Variants in PDE4DIP observed in about 807,000 individuals in gnomAD.
PDE4DIP encodes myomegalin.
In PDE4DIP, 59 loss-of-function variants were observed where a neutral mutation model predicts 221.4. The observed-to-expected ratio is 0.27, with a 90% confidence interval of 0.22 to 0.33. The LOEUF (loss-of-function observed/expected upper bound fraction) is 0.33. Among genes scored for constraint, PDE4DIP ranks in the 10% least tolerant of loss-of-function variants. The pLI is 1.00. For synonymous variants in PDE4DIP, 404 were observed against 815.9 expected, an observed-to-expected ratio of 0.50 and a Z score of 8.60; for missense variants, 1,036 against 2,154.2, an observed-to-expected ratio of 0.48 and a Z score of 10.28.
intron 1 of PDE4DIP, 87 bp from the exon 5 acceptor site, chr1:148,929,110 G>C (rs1385593259): frequency 1.5e-6 from 2 of 1,316,694 alleles, no homozygotes; most frequent in African/African-American, 3.0e-5. Context: ...AGAGGCTGTG[G>C]ACCAAGGCAA....
rs1288219699 is a variant in PDE4DIP, at chr1:148,830,426, C to A, written c.233+21689C>A. Among the ~76,000 whole-genome samples, 2 of 67,096 alleles carry A rather than the reference C, an allele frequency of 3.0e-5. 1 individual carries two copies. Among genetic ancestry groups the A allele is most frequent in the East Asian group, 2.8e-3 (2 of 704 alleles). 44.0% of individuals were successfully genotyped at this position (67,096 alleles called of 152,430 possible). A position where few individuals can be genotyped will look rare whatever the true frequency, so the allele number is the denominator to read the frequency against. Reference sequence around the variant, plus strand: ...CTACTGAAGGGCAGATCTTTTCATTCTTTTTTTTTTTTTTTTATACTTTAA... The same window carrying A: ...CTACTGAAGGGCAGATCTTTTCATTATTTTTTTTTTTTTTTTATACTTTAA... On this transcript the variant is annotated intron_variant, in intron 1 of 45. Coordinates refer to the PDE4DIP transcript ENST00000524974.
At chr1:148,931,651 A>T in intron 2 of PDE4DIP, 149 bp from the exon 6 acceptor site, 1 of 887,738 alleles carries the variant, frequency 1.1e-6, no homozygotes, top group South Asian at 1.4e-5. Flanking sequence ...CTGCATAGAA[A>T]TGGGAATGCT....
intron 4 of PDE4DIP, among the ~76,000 whole-genome samples, chr1:148,937,408 C>G (rs1308338853): frequency 1.3e-5 from 2 of 152,026 alleles, no homozygotes; most frequent in Non-Finnish European, 2.9e-5. Context: ...AATAGTTATC[C>G]AAGAACCGTT....
At chr1:148,952,426 G>A (rs1281220376) in intron 5 of PDE4DIP, 1 of 1,085,884 alleles carries the variant, frequency 9.2e-7, no homozygotes, top group East Asian at 5.0e-5. Flanking sequence ...TGCTGCTCCG[G>A]GAGCCCAGTC....
exon 33 of PDE4DIP, chr1:149,016,346 G>C: frequency 6.2e-7 from 1 of 1,602,704 alleles, no homozygotes; most frequent in Middle Eastern, 1.7e-4. Context: ...GCTGAGCAAC[G>C]ACTTGGAAGC....
intron 5 of PDE4DIP, among the ~76,000 whole-genome samples, chr1:148,951,783 C>G (rs1553488872): frequency 6.6e-6 from 1 of 152,304 alleles, no homozygotes; most frequent in Non-Finnish European, 1.5e-5. Flanking sequence ...GGGCAAGTCA[C>G]CCACGGGTAC....
intron 1 of PDE4DIP, among the ~76,000 whole-genome samples, chr1:148,822,333 G>T (rs1207407907): frequency 8.2e-6 from 1 of 121,882 alleles, no homozygotes; most frequent in South Asian, 2.9e-4. Flanking sequence ...TTAGGACCCC[G>T]GCTGCATAGC....
chr1:148,814,048 G>A (rs587656070), intron 1 of PDE4DIP, among the ~76,000 whole-genome samples: 1 of 18,532 alleles, frequency 5.4e-5, no homozygotes, highest in Non-Finnish European at 1.0e-4. Flanking sequence ...CGCCTCCTGG[G>A]TTCAAGCAAT....
chr1:148,893,140 G>A (rs2596259), intron 1 of PDE4DIP, among the ~76,000 whole-genome samples: 21 of 135,746 alleles, frequency 1.5e-4, no homozygotes, highest in African/African-American at 5.1e-4. Flanking sequence ...AGAGATTGAG[G>A]TCTCACTCAC....
chr1:149,003,743 GGT>G lies in PDE4DIP; in HGVS notation c.3886+17_3886+18del. The G allele has an allele frequency of 7.7e-7, 1 of 1,303,294 alleles. No homozygotes were observed. Among genetic ancestry groups the G allele is most frequent in the Non-Finnish European group, 1.1e-6 (1 of 902,156 alleles). 80.7% of individuals were successfully genotyped at this position (1,303,294 alleles called of 1,614,324 possible). A position where few individuals can be genotyped will look rare whatever the true frequency, so the allele number is the denominator to read the frequency against. On this transcript the variant is annotated intron_variant, in intron 26 of 43. Coordinates refer to ENST00000369354, the Ensembl canonical transcript of PDE4DIP. ...ACCACCAGTCCTGGTAAGAGCACAG[GGT>G]GTGGGGCTCACCCCTCCCTGGAGTC...
In PDE4DIP at chr1:148,891,800, G is replaced by A. The variant is rs1219798064; in HGVS notation, c.141+1906G>A. On this transcript the variant is annotated intron_variant, in intron 1 of 43. Coordinates refer to ENST00000369354, the Ensembl canonical transcript of PDE4DIP. ...GAGTGTGCCTCATTGGAGCTGCCAC[G>A]TGTCAAGAAGGATATTGCCAAGTGA... 2.8e-4 allele frequency among the ~76,000 whole-genome samples: 3 copies of A among 10,600 alleles called. 1 individual carries two copies. Among genetic ancestry groups the A allele is most frequent in the African/African-American group, 1.9e-3 (3 of 1,616 alleles). The allele number at this position is 10,600 out of a possible 152,430, so 7.0% of individuals were successfully genotyped here. A position where few individuals can be genotyped will look rare whatever the true frequency, so the allele number is the denominator to read the frequency against.
intron 5 of PDE4DIP, chr1:148,953,382 G>A (rs782438816): frequency 1.2e-6 from 2 of 1,614,228 alleles, no homozygotes; most frequent in Non-Finnish European, 1.7e-6. Context: ...CCTTCTAGCA[G>A]GTGGTCGACC....
At chr1:148,940,390 ATTG>A (rs782707131) in intron 5 of PDE4DIP, among the ~76,000 whole-genome samples, 9 of 152,228 alleles carry the variant, frequency 5.9e-5, no homozygotes, top group African/African-American at 1.2e-4. Flanking sequence ...ATAAAAATTT[ATTG>A]TTGTTATTAC....
In PDE4DIP at chr1:149,030,294, C is replaced by T. The variant is rs2152820623; in HGVS notation, c.6999+16C>T. 4 of 1,535,430 alleles carry T rather than the reference C, an allele frequency of 2.6e-6. 1 individual carries two copies. In the East Asian group the frequency reaches 9.7e-5, roughly 37 times the overall value. ...TAACTTAGAGGTAAGGAAACTACTG[C>T]ACCAGTCAGAGGCACCAAGCCTGTC... On this transcript the variant is annotated intron_variant, in intron 43 of 43. Transcript: ENST00000369354.
intron 1 of PDE4DIP, among the ~76,000 whole-genome samples, chr1:148,838,409 G>A (rs1674112841): frequency 3.0e-5 from 1 of 33,084 alleles, no homozygotes. Context: ...CTTAATTGAG[G>A]TCTTAATCAT....
chr1:148,925,737 G>C (rs1429023780), intron 1 of PDE4DIP, among the ~76,000 whole-genome samples: 1 of 149,334 alleles, frequency 6.7e-6, no homozygotes, highest in Non-Finnish European at 1.5e-5. Flanking sequence ...CATGCACATT[G>C]TCTCATTCAA....
chr1:149,019,538 G>T (rs1344745154), intron 35 of PDE4DIP: 1 of 152,186 alleles, frequency 6.6e-6, no homozygotes, highest in Non-Finnish European at 1.5e-5. Flanking sequence ...GATAACAAAA[G>T]TTAACAGATA....
chr1:148,962,109 G>C, intron 7 of PDE4DIP, 87 bp from the exon 11 acceptor site: 3 of 658,812 alleles, frequency 4.6e-6, no homozygotes, highest in South Asian at 1.7e-5. Flanking sequence ...TTTTGGAATA[G>C]TCCTGTTACT....
At position 148,901,846 on chromosome 1, in the gene PDE4DIP, C is replaced by T. The variant is rs868908175; in HGVS notation, c.141+11952C>T. ...GTAGCTTCCTCTCTCAGAGTTACTC[C>T]GTCAGACCTCACACTCCAGATTCTC... On this transcript the variant is annotated intron_variant, in intron 1 of 43. Transcript: ENST00000369354. Among the ~76,000 whole-genome samples, 22 of 121,920 alleles carry T rather than the reference C, an allele frequency of 1.8e-4. 3 individuals carry two copies. Among genetic ancestry groups the T allele is most frequent in the Admixed American group, 9.2e-4 (11 of 11,906 alleles). 80.0% of individuals were successfully genotyped at this position (121,920 alleles called of 152,430 possible).
Sources: allele counts gnomAD v4.1 joint callset (sites outside exome capture counted in the v4.1 genomes callset), GRCh38; gene constraint gnomAD v4.1.1; transcripts MANE v1.5; gene names NCBI Gene and HGNC (gene_info 2026-07-23, HGNC 2026-07-21).